The following ZNF521 variants were observed in gnomAD, a reference collection of about 807,000 sequenced individuals.
ZNF521 encodes zinc finger protein 521, also known as LYST-interacting protein 3.
ZNF521 carries 14 observed loss-of-function variants against 105.5 expected under a neutral mutation model. The observed-to-expected ratio is 0.13, with a 90% CI of 0.09 to 0.21. ZNF521 has a LOEUF of 0.21. ZNF521 is among the 10% of genes least tolerant of loss of function. The pLI, the probability that ZNF521 is intolerant of heterozygous loss-of-function variation, is 1.00. For synonymous variants in ZNF521, 635 were observed against 606.0 expected, an observed-to-expected ratio of 1.05 and a Z score of -0.70; for missense variants, 1,233 against 1,629.7, an observed-to-expected ratio of 0.76 and a Z score of 4.19.
intron 5 of ZNF521, among the ~76,000 whole-genome samples, chr18:25,192,629 A>T (rs2035837014): frequency 6.6e-6 from 1 of 151,968 alleles, no homozygotes; most frequent in African/African-American, 2.4e-5. Context: ...GAGGCTTTTC[A>T]GATAGTCCCT....
At chr18:25,299,112 T>G (rs538599203) in intron 3 of ZNF521, among the ~76,000 whole-genome samples, 1 of 152,328 alleles carries the variant, frequency 6.6e-6, no homozygotes, top group Admixed American at 6.5e-5. Context: ...TCTGTCCCCA[T>G]GTATAAACAT....
rs1214579530 is a variant in ZNF521, at chr18:25,225,954, G to A, written c.1964C>T (p.Thr655Ile). The A allele has an allele frequency of 3.1e-6, 5 of 1,614,116 alleles. No individual in the cohort carries two copies. In the South Asian group the frequency reaches 3.3e-5, roughly 11 times the overall value. Residue 655 changes from threonine (T) to isoleucine (I), a missense_variant, in exon 4 of 8, where the codon ACT becomes ATT. This residue lies in a region of ZNF521 where 614 missense variants were observed against 751.5 expected (regional missense o/e 0.82). Coordinates refer to ENST00000361524, the MANE Select transcript of ZNF521 (RefSeq NM_015461.3). This position sits in a 1 kb window ranked among gnomAD's most constrained non-coding sequence, Gnocchi z 5.6. The part of the protein sequence containing the change: ...SLDSFQTHLK[T>I]HLDTVLPKLT... Reference sequence around the variant, plus strand: ...TTTTGGAAGCACAGTGTCGAGATGAGTTTTTAGGTGAGTCTGAAAGCTGTC... The same window carrying A: ...TTTTGGAAGCACAGTGTCGAGATGAATTTTTAGGTGAGTCTGAAAGCTGTC...
rs79150160 is a variant in ZNF521 at position 25,259,854 on chromosome 18, G to C, written c.221-32157C>G. On this transcript the variant is annotated intron_variant, in intron 3 of 7. Coordinates refer to ENST00000361524, the MANE Select transcript of ZNF521 (RefSeq NM_015461.3). ...AGAGGGAACACCCCTTAAACTAAAA[G>C]GAAGAAGAGGAGGCAAAGAGGTGAT... Among the ~76,000 whole-genome samples, 32 of 152,272 alleles carry C rather than the reference G, an allele frequency of 2.1e-4. No individual in the cohort carries two copies. In the East Asian group the frequency reaches 5.6e-3, roughly 27 times the overall value.
intron 5 of ZNF521, among the ~76,000 whole-genome samples, chr18:25,111,837 A>T (rs1198322274): frequency 6.6e-6 from 1 of 152,194 alleles, no homozygotes; most frequent in Non-Finnish European, 1.5e-5. Context: ...GTTTACTTTC[A>T]TAAGCCCGAG....
chr18:25,192,051 A>G (rs968001428), intron 5 of ZNF521, among the ~76,000 whole-genome samples: 2 of 152,170 alleles, frequency 1.3e-5, no homozygotes, highest in Non-Finnish European at 2.9e-5. Flanking sequence ...AGATCTTAAA[A>G]GAGGGAAATC....
intron 5 of ZNF521, among the ~76,000 whole-genome samples, chr18:25,129,671 G>A (rs986629020): frequency 1.3e-5 from 2 of 152,034 alleles, no homozygotes; most frequent in African/African-American, 4.8e-5. Flanking sequence ...GTGGCGGGGT[G>A]GGGGGTATGA....
intron 3 of ZNF521, among the ~76,000 whole-genome samples, chr18:25,256,535 T>C (rs1044949028): frequency 2.0e-5 from 3 of 152,128 alleles, no homozygotes; most frequent in Admixed American, 1.3e-4. Context: ...GGTTGGAGTA[T>C]GCAGTTGCAT....
In ZNF521 at chr18:25,062,394, CT is replaced by C. The variant is rs1324844079; in HGVS notation, c.*317del. On this transcript the variant is annotated 3_prime_UTR_variant, in exon 8 of 8. Transcript: ENST00000361524. ...TTTTAATCTTTCTTCCTTAAAAATA[CT>C]TTATCTTAAGCCATTTTGGTCATAG... 2 of 307,928 alleles carry C rather than the reference CT, an allele frequency of 6.5e-6. No individual in the cohort carries two copies. Among genetic ancestry groups the C allele is most frequent in the Admixed American group, 1.0e-4 (2 of 19,442 alleles). The allele number at this position is 307,928 out of a possible 1,614,324, so 19.1% of individuals were successfully genotyped here.
intron 5 of ZNF521, among the ~76,000 whole-genome samples, chr18:25,191,642 A>G (rs1476238920): frequency 6.6e-6 from 1 of 152,186 alleles, no homozygotes; most frequent in African/African-American, 2.4e-5. Flanking sequence ...ATCAGAGTGA[A>G]AAAATTAAGC....
chr18:25,142,163 A>C (rs1052717909), intron 5 of ZNF521, among the ~76,000 whole-genome samples: 3 of 152,104 alleles, frequency 2.0e-5, no homozygotes, highest in Non-Finnish European at 2.9e-5. Context: ...GCAGTAGAGT[A>C]GTCACAGAAG....
intron 2 of ZNF521, among the ~76,000 whole-genome samples, chr18:25,337,283 A>G (rs1442953079): frequency 1.3e-5 from 2 of 152,216 alleles, no homozygotes; most frequent in Admixed American, 6.5e-5. Flanking sequence ...TATTAGTTAC[A>G]AGGGAAAGCG....
At chr18:25,291,849 C>T (rs1911046230) in intron 3 of ZNF521, among the ~76,000 whole-genome samples, 2 of 152,110 alleles carry the variant, frequency 1.3e-5, no homozygotes, top group African/African-American at 4.8e-5. Flanking sequence ...TCAACACCCT[C>T]TCTAGATACA....
chr18:25,100,989 T>C (rs1187689013), intron 5 of ZNF521, among the ~76,000 whole-genome samples: 1 of 152,234 alleles, frequency 6.6e-6, no homozygotes, highest in Non-Finnish European at 1.5e-5. Flanking sequence ...GGCCTGGCTG[T>C]TCTGTGGCAC....
chr18:25,072,124 T>C (rs1207234351), intron 7 of ZNF521, among the ~76,000 whole-genome samples: 1 of 152,198 alleles, frequency 6.6e-6, no homozygotes, highest in East Asian at 1.9e-4. Context: ...TTTTCTGCAA[T>C]ATCAAACGAG....
rs150990068 is a variant in ZNF521, at chr18:25,135,324, T to C, written c.3659-43243A>G. On this transcript the variant is annotated intron_variant, in intron 5 of 7. Transcript: ENST00000361524. ...TGTGTGTGTGTGTATGTCTTTGTTT[T>C]GTTTTAATGCAACTCCTTGAGGCTA... Among the ~76,000 whole-genome samples the C allele has an allele frequency of 5.9e-3, 889 of 150,538 alleles. 7 individuals carry two copies. The highest frequency in any genetic ancestry group is 0.021 in the African/African-American group (836 of 40,214).
At chr18:25,157,344 A>G (rs970443935) in intron 5 of ZNF521, among the ~76,000 whole-genome samples, 1 of 152,266 alleles carries the variant, frequency 6.6e-6, no homozygotes, top group Non-Finnish European at 1.5e-5. Context: ...TAGTGTGGTC[A>G]AGTTTATGAG....
Position 25,062,659 on chromosome 18 carries a change from A to C in ZNF521, c.*53T>G. ...GAAAGTTTCGTGCAAAGAGTAAAAC[A>C]TGTTCCCTTTTTGTGCCACAAAATC... On this transcript the variant is annotated 3_prime_UTR_variant, in exon 8 of 8. Coordinates refer to ENST00000361524, the MANE Select transcript of ZNF521 (RefSeq NM_015461.3). The C allele has an allele frequency of 6.3e-7, 1 of 1,583,370 alleles. No homozygotes were observed. The highest frequency in any genetic ancestry group is 8.6e-7 in the Non-Finnish European group (1 of 1,167,984).
chr18:25,157,997 A>T (rs2035178599), intron 5 of ZNF521, among the ~76,000 whole-genome samples: 1 of 151,910 alleles, frequency 6.6e-6, no homozygotes, highest in Non-Finnish European at 1.5e-5. Flanking sequence ...CAGGTGATTC[A>T]CTCACCTCGG....
At chr18:25,205,438 C>T (rs905838563) in intron 4 of ZNF521, among the ~76,000 whole-genome samples, 1 of 152,108 alleles carries the variant, frequency 6.6e-6, no homozygotes, top group Non-Finnish European at 1.5e-5. Flanking sequence ...TGGGGTTACA[C>T]AAAATTAGGG....
Sources: allele counts gnomAD v4.1 joint callset (sites outside exome capture counted in the v4.1 genomes callset), GRCh38; gene constraint gnomAD v4.1.1; regional missense constraint gnomAD v4.1.1; non-coding constraint Gnocchi (gnomAD v3.1); transcripts MANE v1.5; gene names NCBI Gene and HGNC (gene_info 2026-07-23, HGNC 2026-07-21).